Variants in MYRFL observed in about 807,000 individuals in gnomAD.
MYRFL encodes myelin regulatory factor like, also known as myelin regulatory factor-like protein.
A neutral mutation model predicts 109.4 loss-of-function variants in MYRFL; 88 were observed. That is an observed-to-expected ratio of 0.80 (90% CI 0.68 to 0.96). MYRFL has a LOEUF of 0.96. Among genes scored for constraint, MYRFL ranks in the 40% least tolerant of loss-of-function variants. The probability of loss-of-function intolerance (pLI) is 0.00; values close to 1 mark genes in which losing one functional copy is unlikely to be tolerated. For missense variants in MYRFL, 957 were observed against 954.9 expected, an observed-to-expected ratio of 1.00 and a Z score of -0.03; for synonymous variants, 324 against 320.9, an observed-to-expected ratio of 1.01 and a Z score of -0.10.
At chr12:69,885,116 A>T (rs12819757) in intron 5 of MYRFL, among the ~76,000 whole-genome samples, 87 of 151,976 alleles carry the variant, frequency 5.7e-4, no homozygotes, top group African/African-American at 1.6e-3. Flanking sequence ...TCTTTTTTTT[A>T]AAAAAAAATA....
At chr12:69,907,455 C>T (rs548819959) in intron 11 of MYRFL, among the ~76,000 whole-genome samples, 3 of 152,226 alleles carry the variant, frequency 2.0e-5, no homozygotes, top group Admixed American at 2.0e-4. Context: ...ACCAACACTG[C>T]CTCTGCTTCC....
intron 19 of MYRFL, among the ~76,000 whole-genome samples, chr12:69,938,014 G>A (rs1184869750): frequency 6.6e-6 from 1 of 152,196 alleles, no homozygotes; most frequent in East Asian, 1.9e-4. Context: ...CTGAGACACA[G>A]AGAGTTCTTT....
intron 2 of MYRFL, among the ~76,000 whole-genome samples, chr12:69,866,628 A>G (rs990519534): frequency 6.6e-6 from 1 of 152,140 alleles, no homozygotes; most frequent in Non-Finnish European, 1.5e-5. Flanking sequence ...TATTGCCTAC[A>G]ATGTGTGTCT....
At chr12:69,939,751 C>A (rs11177977) in intron 19 of MYRFL, among the ~76,000 whole-genome samples, 2 of 151,114 alleles carry the variant, frequency 1.3e-5, no homozygotes, top group African/African-American at 4.9e-5. Context: ...CTCTGAGCTA[C>A]GGGAGGACAT....
At chr12:69,955,841 AG>A (rs1304885326) in intron 22 of MYRFL, among the ~76,000 whole-genome samples, 13 of 151,014 alleles carry the variant, frequency 8.6e-5, no homozygotes, top group African/African-American at 3.2e-4. Flanking sequence ...ATTTTCCAAA[AG>A]ACAGAAAAAA....
intron 10 of MYRFL, among the ~76,000 whole-genome samples, chr12:69,898,947 A>G (rs565013821): frequency 1.1e-3 from 174 of 152,360 alleles, no homozygotes; most frequent in African/African-American, 3.9e-3. Flanking sequence ...CACAATGATA[A>G]TGAGATCATA....
Position 69,879,206 on chromosome 12 carries a change from C to T in MYRFL, c.217C>T (p.Pro73Ser). Residue 73 changes from proline (P) to serine (S), a missense_variant, in exon 4 of 25, where the codon CCA becomes TCA. Pro to Ser is a moderately conservative substitution (Grantham distance 74, BLOSUM62 -1). Transcript: ENST00000552032. ...GTGTCTCTCCCCAGGTGCATGCTAC[C>T]CAACCCTGAGGCCCACAGCTGGGAG... ...SPPQVKGACYPTLRPTAGRTP... is the reference protein window; with the variant it reads ...SPPQVKGACYSTLRPTAGRTP... The T allele has an allele frequency of 1.4e-6, 1 of 702,844 alleles. No individual in the cohort carries two copies. The highest frequency in any genetic ancestry group is 1.5e-5 in the South Asian group (1 of 67,584). The allele number at this position is 702,844 out of a possible 1,614,324, so 43.5% of individuals were successfully genotyped here. A position where few individuals can be genotyped will look rare whatever the true frequency, so the allele number is the denominator to read the frequency against.
In MYRFL at chr12:69,958,284, A is replaced by G; in HGVS notation, c.2607A>G (p.Pro869=). The change falls in exon 24 of 25, where the codon CCA becomes CCG. Residue 869 remains proline, a synonymous_variant. Coordinates refer to ENST00000552032, the MANE Select transcript of MYRFL (RefSeq NM_182530.3). ...ACATTTGGAGCCTCCCTGTAGCCCC[A>G]TTTTCTGACAGCATGTTCCATTTCC... The part of the protein sequence containing the change: ...YQHIWSLPVA[P]FSDSMFHFRV... 1.3e-6 allele frequency: 2 copies of G among 1,536,324 alleles called. No homozygotes were observed. Among genetic ancestry groups the G allele is most frequent in the Non-Finnish European group, 1.7e-6 (2 of 1,146,968 alleles).
intron 13 of MYRFL, among the ~76,000 whole-genome samples, chr12:69,911,220 C>A (rs1449886466): frequency 6.6e-6 from 1 of 152,174 alleles, no homozygotes; most frequent in Non-Finnish European, 1.5e-5. Flanking sequence ...AGCATGAATG[C>A]ACTTTAAACA....
chr12:69,940,351 C>T lies in MYRFL; in HGVS notation c.2224+3719C>T, dbSNP rs1229360083. The stretch of plus-strand genomic sequence containing the variant: ...GAAGCCCATCAGACTAACAGCGGAT[C>T]TCTCGGCAGAAACACTACAAGCCAG... On this transcript the variant is annotated intron_variant, in intron 19 of 24. Coordinates refer to ENST00000552032, the MANE Select transcript of MYRFL (RefSeq NM_182530.3). Among the ~76,000 whole-genome samples, 4 of 151,222 alleles carry T rather than the reference C, an allele frequency of 2.6e-5. No individual in the cohort carries two copies. In the East Asian group the frequency reaches 7.8e-4, roughly 30 times the overall value.
At chr12:69,837,994 A>G (rs915330658) in intron 1 of MYRFL, among the ~76,000 whole-genome samples, 8 of 152,174 alleles carry the variant, frequency 5.3e-5, no homozygotes, top group African/African-American at 1.7e-4. Context: ...AAAAACTCAA[A>G]TCCCTTTTCC....
chr12:69,893,705 T>A, intron 7 of MYRFL, 59 bp from the exon 8 acceptor site: 1 of 1,106,200 alleles, frequency 9.0e-7, no homozygotes, highest in East Asian at 3.2e-5. Context: ...TGAACATTCT[T>A]TGCTGATTAA....
intron 2 of MYRFL, among the ~76,000 whole-genome samples, chr12:69,871,556 C>G (rs1039885922): frequency 6.6e-6 from 1 of 152,104 alleles, no homozygotes; most frequent in Non-Finnish European, 1.5e-5. Flanking sequence ...TTTTATTGCC[C>G]TATATCTAAA....
chr12:69,957,930 G>A lies in MYRFL; in HGVS notation c.2559G>A (p.Gln853=). The change falls in exon 23 of 25, where the codon CAG becomes CAA. Residue 853 remains glutamine (Q), a synonymous_variant. Transcript: ENST00000552032. The part of the protein sequence containing the change: ...KGLESHREIS[Q]EMTQGYQHIW... ...TGGAAAGCCACAGAGAAATCTCCCA[G>A]GAGATGACACAGGTAATGTTTTCTG... The A allele has an allele frequency of 6.5e-7, 1 of 1,533,562 alleles. No homozygotes were observed. The highest frequency in any genetic ancestry group is 2.0e-5 in the Admixed American group (1 of 50,960). 95.0% of individuals were successfully genotyped at this position (1,533,562 alleles called of 1,614,324 possible). A position where few individuals can be genotyped will look rare whatever the true frequency, so the allele number is the denominator to read the frequency against.
At chr12:69,825,783 G>A (rs554257457) in intron 1 of MYRFL, among the ~76,000 whole-genome samples, 13 of 152,188 alleles carry the variant, frequency 8.5e-5, no homozygotes, top group African/African-American at 2.9e-4. Flanking sequence ...TCATCTTATA[G>A]TTTGGTTGTT....
At chr12:69,909,453 C>T (rs74101385) in intron 11 of MYRFL, among the ~76,000 whole-genome samples, 2,302 of 152,114 alleles carry the variant, frequency 0.015, 64 homozygotes, top group African/African-American at 0.052. Context: ...AATAGCTACT[C>T]AATAAATATT....
intron 23 of MYRFL, 28 bp downstream of exon 23, chr12:69,957,970 C>G (rs192984663): frequency 6.6e-7 from 1 of 1,522,432 alleles, no homozygotes; most frequent in African/African-American, 1.4e-5. Context: ...CTCTCTTCCC[C>G]GCTGAGAGAG....
At chr12:69,910,265 C>G (rs1371042530) in intron 12 of MYRFL, among the ~76,000 whole-genome samples, 188 bp downstream of exon 12, 1 of 150,918 alleles carries the variant, frequency 6.6e-6, no homozygotes, top group Non-Finnish European at 1.5e-5. Flanking sequence ...ACTCAACACC[C>G]CCACTCCTCC....
intron 1 of MYRFL, among the ~76,000 whole-genome samples, chr12:69,852,994 C>T (rs1305819673): frequency 6.6e-6 from 1 of 152,262 alleles, no homozygotes; most frequent in Non-Finnish European, 1.5e-5. Flanking sequence ...TCTTTCTACA[C>T]AGACACCGTA....
Sources: allele counts gnomAD v4.1 joint callset (sites outside exome capture counted in the v4.1 genomes callset), GRCh38; gene constraint gnomAD v4.1.1; transcripts MANE v1.5; gene names NCBI Gene and HGNC (gene_info 2026-07-23, HGNC 2026-07-21).